RASGRP3: variants seen among roughly 807,000 people sequenced by gnomAD.
RASGRP3 encodes ras guanyl-releasing protein 3.
A neutral mutation model predicts 82.7 loss-of-function variants in RASGRP3; 54 were observed. The ratio of observed to expected loss-of-function variants is 0.65; its 90% CI spans 0.52 to 0.82. The LOEUF (loss-of-function observed/expected upper bound fraction) is 0.82, where lower values mean the gene tolerates loss of function less well. Ranked by LOEUF, RASGRP3 falls within the 40% of genes least tolerant of loss-of-function variation. The pLI is 0.00. For missense variants in RASGRP3, 861 were observed against 828.9 expected (o/e 1.04, Z -0.48); for synonymous variants, 309 against 300.5 (o/e 1.03, Z -0.29).
At chr2:33,479,184 A>G (rs1333824414) in intron 1 of RASGRP3, among the ~76,000 whole-genome samples, 1 of 152,188 alleles carries the variant, frequency 6.6e-6, no homozygotes, top group African/African-American at 2.4e-5. Context: ...GCTCTCCATG[A>G]CAGGAAGGGC....
chr2:33,468,874 A>G (rs1666878602), intron 2 of RASGRP3, among the ~76,000 whole-genome samples: 1 of 152,202 alleles, frequency 6.6e-6, no homozygotes, highest in African/African-American at 2.4e-5. Context: ...ATATTTCTAG[A>G]ACAGGAACTG....
At chr2:33,559,086 A>C (rs921600481) in intron 17 of RASGRP3, 56 bp downstream of exon 17, 2 of 1,426,946 alleles carry the variant, frequency 1.4e-6, no homozygotes, top group Non-Finnish European at 1.9e-6. Flanking sequence ...GAAAGTGCTG[A>C]GATGAGCGTT....
At chr2:33,478,764 G>A (rs371858559) in intron 1 of RASGRP3, among the ~76,000 whole-genome samples, 5 of 152,156 alleles carry the variant, frequency 3.3e-5, no homozygotes, top group African/African-American at 4.8e-5. Context: ...TCGGAGTTAC[G>A]GTGCAGAGCC....
intron 7 of RASGRP3, among the ~76,000 whole-genome samples, chr2:33,523,200 G>C (rs553331776): frequency 1.1e-3 from 173 of 152,164 alleles, no homozygotes; most frequent in Non-Finnish European, 2.1e-3. Flanking sequence ...TTGGCCGGGC[G>C]CGCCTTTAAT....
At chr2:33,519,833 A>C in intron 4 of RASGRP3, 119 bp from the exon 5 acceptor site, 1 of 639,202 alleles carries the variant, frequency 1.6e-6, no homozygotes, top group East Asian at 2.9e-5. Context: ...TCCGTATTTG[A>C]GTGTCTATAT....
intron 2 of RASGRP3, among the ~76,000 whole-genome samples, chr2:33,461,475 G>A (rs1022542814): frequency 1.3e-5 from 2 of 152,010 alleles, no homozygotes; most frequent in East Asian, 1.9e-4. Flanking sequence ...GCGGGGTTTC[G>A]CCATGTTGGC....
intron 15 of RASGRP3, 124 bp downstream of exon 15, chr2:33,555,691 C>A: frequency 2.4e-6 from 2 of 824,992 alleles, no homozygotes; most frequent in Non-Finnish European, 3.8e-6. Context: ...GGGTCAACGG[C>A]AACTGAGAAT....
intron 10 of RASGRP3, among the ~76,000 whole-genome samples, chr2:33,528,326 C>T (rs1468884218): frequency 2.0e-5 from 3 of 152,208 alleles, no homozygotes; most frequent in Non-Finnish European, 4.4e-5. Context: ...TCACCTACCA[C>T]TCATAGTTTT....
intron 2 of RASGRP3, among the ~76,000 whole-genome samples, chr2:33,467,129 TG>T (rs1407104967): frequency 6.6e-6 from 1 of 152,178 alleles, no homozygotes; most frequent in African/African-American, 2.4e-5. Context: ...TACTTCTATA[TG>T]CCTTTCTACA....
Position 33,540,763 on chromosome 2 carries a change from C to T in RASGRP3, c.1278+1553C>T, listed in dbSNP as rs568506764. On this transcript the variant is annotated intron_variant, in intron 12 of 17. Coordinates refer to ENST00000403687, the MANE Select transcript of RASGRP3 (RefSeq NM_001139488.2). ...TTTACTCCGCAAAAAATCTTCTACT[C>T]GTGGTATAAATATGGATGTTAAACT... Among the ~76,000 whole-genome samples the T allele has an allele frequency of 1.2e-4, 17 of 145,240 alleles. 1 individual carries two copies. The highest frequency in any genetic ancestry group is 3.6e-4 in the Admixed American group (5 of 13,958).
intron 2 of RASGRP3, among the ~76,000 whole-genome samples, chr2:33,451,123 C>T (rs1336659982): frequency 1.1e-4 from 17 of 151,978 alleles, no homozygotes; most frequent in Admixed American, 1.1e-3. Flanking sequence ...CTCAGCCTCC[C>T]AAAGTGCTGG....
intron 10 of RASGRP3, chr2:33,531,926 A>G (rs1276011289): frequency 6.6e-6 from 1 of 152,216 alleles, no homozygotes; most frequent in Non-Finnish European, 1.5e-5. Context: ...GGAAGGGAAC[A>G]TGCTCCTCCA....
chr2:33,474,733 A>G (rs1667256906), upstream of RASGRP3, among the ~76,000 whole-genome samples: 1 of 152,230 alleles, frequency 6.6e-6, no homozygotes, highest in Non-Finnish European at 1.5e-5. Flanking sequence ...AGGCCTCCCC[A>G]GAAGCCGAAC....
intron 13 of RASGRP3, among the ~76,000 whole-genome samples, chr2:33,545,919 C>G (rs1164019947): frequency 6.6e-6 from 1 of 152,110 alleles, no homozygotes; most frequent in Non-Finnish European, 1.5e-5. Flanking sequence ...ATTCTCATGC[C>G]TGAGCCTCCT....
intron 1 of RASGRP3, among the ~76,000 whole-genome samples, chr2:33,502,246 C>T (rs77706037): frequency 0.014 from 2,165 of 152,060 alleles, 49 homozygotes; most frequent in African/African-American, 0.049. Context: ...GACAGTTACA[C>T]CAAGGAACTG....
chr2:33,477,495 A>G (rs988279399), intron 1 of RASGRP3, among the ~76,000 whole-genome samples: 1 of 152,114 alleles, frequency 6.6e-6, no homozygotes, highest in Admixed American at 6.6e-5. Flanking sequence ...TTCCTTGTTT[A>G]TGACCTGACT....
At chr2:33,552,639 CT>C (rs1675485717) in intron 14 of RASGRP3, among the ~76,000 whole-genome samples, 2 of 152,110 alleles carry the variant, frequency 1.3e-5, no homozygotes, top group African/African-American at 4.8e-5. Flanking sequence ...GAACCATCTG[CT>C]TTTAAAATAA....
At position 33,527,376 on chromosome 2, in the gene RASGRP3, C is replaced by G; in HGVS notation, c.1047C>G (p.His349Gln). Residue 349 changes from histidine (H) to glutamine (Q), a missense_variant, in exon 10 of 18, where the codon CAC becomes CAG. Physicochemically the swap from His to Gln is conservative, Grantham distance 24 (BLOSUM62 0). Transcript: ENST00000403687. ...ELVSLQNASHHLEPNMDLINL... is the reference protein window; with the variant it reads ...ELVSLQNASHQLEPNMDLINL... The stretch of plus-strand genomic sequence containing the variant: ...TCTCCCTGCAGAATGCCTCTCACCA[C>G]TTAGAACCCAACATGGATTTGATCA... The G allele has an allele frequency of 6.2e-7, 1 of 1,613,906 alleles. No homozygotes were observed. Among genetic ancestry groups the G allele is most frequent in the Non-Finnish European group, 8.5e-7 (1 of 1,179,810 alleles).
intron 17 of RASGRP3, chr2:33,559,700 T>C: frequency 4.0e-6 from 2 of 505,082 alleles, no homozygotes; most frequent in East Asian, 5.5e-5. Flanking sequence ...AAAATTGGCA[T>C]GATATTCCTA....
Sources: gnomAD v4.1 joint callset for allele counts (sites outside exome capture counted in the v4.1 genomes callset) on GRCh38, gnomAD v4.1.1 for gene constraint, MANE v1.5 for transcripts, NCBI Gene and HGNC (gene_info 2026-07-23, HGNC 2026-07-21) for gene names.